Variants in CYP7B1 observed in about 807,000 individuals in gnomAD.
The protein encoded by CYP7B1 is cytochrome P450 7B1.
CYP7B1 carries 29 observed loss-of-function variants against 42.7 expected under a neutral mutation model. That is an observed-to-expected ratio of 0.68 (90% CI 0.51 to 0.93). The LOEUF (loss-of-function observed/expected upper bound fraction) is 0.93, where lower values mean the gene tolerates loss of function less well. CYP7B1 is among the 40% of genes least tolerant of loss of function. The probability of loss-of-function intolerance (pLI) is 0.00; values close to 1 mark genes in which losing one functional copy is unlikely to be tolerated. For synonymous variants in CYP7B1, 235 were observed against 218.2 expected, an observed-to-expected ratio of 1.08 and a Z score of -0.68; for missense variants, 655 against 600.5, an observed-to-expected ratio of 1.09 and a Z score of -0.95.
chr8:64,717,331 A>G (rs142345903), intron 1 of CYP7B1, among the ~76,000 whole-genome samples: 1 of 152,266 alleles, frequency 6.6e-6, no homozygotes, highest in African/African-American at 2.4e-5. Flanking sequence ...TTTTCCAATC[A>G]TTTTGGTTGA....
chr8:64,724,483 C>T (rs1807292603), intron 1 of CYP7B1, among the ~76,000 whole-genome samples: 1 of 152,114 alleles, frequency 6.6e-6, no homozygotes, highest in Non-Finnish European at 1.5e-5. Context: ...TCCTCAATGA[C>T]AACAGCATAT....
chr8:64,656,506 T>C (rs1806122818), intron 1 of CYP7B1, among the ~76,000 whole-genome samples: 1 of 152,220 alleles, frequency 6.6e-6, no homozygotes, highest in Admixed American at 6.5e-5. Flanking sequence ...CTGTATATGC[T>C]GTGCTGCCTC....
At chr8:64,740,349 A>G (rs1336924147) in intron 1 of CYP7B1, among the ~76,000 whole-genome samples, 1 of 152,040 alleles carries the variant, frequency 6.6e-6, no homozygotes, top group African/African-American at 2.4e-5. Flanking sequence ...TCAGTCAATA[A>G]TATATATATT....
intron 1 of CYP7B1, among the ~76,000 whole-genome samples, chr8:64,752,918 T>C (rs1292438158): frequency 6.6e-6 from 1 of 152,180 alleles, no homozygotes; most frequent in East Asian, 1.9e-4. Context: ...TAATTTACTA[T>C]TCATATACTA....
intron 1 of CYP7B1, among the ~76,000 whole-genome samples, chr8:64,654,582 A>G (rs1585835057): frequency 6.6e-6 from 1 of 152,248 alleles, no homozygotes; most frequent in East Asian, 1.9e-4. Flanking sequence ...ATTTTATTAA[A>G]ATGACCATAT....
chr8:64,682,492 T>A (rs1327847388), intron 1 of CYP7B1, among the ~76,000 whole-genome samples: 1 of 152,178 alleles, frequency 6.6e-6, no homozygotes, highest in Non-Finnish European at 1.5e-5. Context: ...CCACTGACAG[T>A]CTCCTGGGAC....
intron 1 of CYP7B1, among the ~76,000 whole-genome samples, chr8:64,686,461 T>C (rs1288360537): frequency 3.2e-5 from 1 of 31,264 alleles, no homozygotes; most frequent in Non-Finnish European, 6.6e-5. Context: ...GGTTGGGGGG[T>C]CAGCCCCCCG....
At chr8:64,759,151 T>A (rs564893224) in intron 1 of CYP7B1, among the ~76,000 whole-genome samples, 1 of 152,228 alleles carries the variant, frequency 6.6e-6, no homozygotes, top group Admixed American at 6.5e-5. Flanking sequence ...GAAATCTGAA[T>A]CTGCTGTAGC....
At chr8:64,788,898 T>C (rs1192737497) in intron 1 of CYP7B1, among the ~76,000 whole-genome samples, 1 of 152,124 alleles carries the variant, frequency 6.6e-6, no homozygotes, top group Admixed American at 6.5e-5. Context: ...ACTTACTGTA[T>C]AGGGTAGCTT....
intron 1 of CYP7B1, among the ~76,000 whole-genome samples, chr8:64,791,486 G>T (rs569738823): frequency 6.6e-6 from 1 of 152,174 alleles, no homozygotes; most frequent in African/African-American, 2.4e-5. Flanking sequence ...AAATGTCAGC[G>T]TAGGAGAGAG....
intron 2 of CYP7B1, among the ~76,000 whole-genome samples, chr8:64,624,107 G>C (rs1397380059): frequency 6.6e-6 from 1 of 151,764 alleles, no homozygotes. Context: ...CTTTTGTATA[G>C]TTATATATAT....
intron 1 of CYP7B1, among the ~76,000 whole-genome samples, chr8:64,644,056 C>G (rs539128141): frequency 3.0e-4 from 45 of 152,076 alleles, no homozygotes; most frequent in Non-Finnish European, 5.3e-4. Context: ...AGGTGGATCA[C>G]GAGGTCAGGA....
chr8:64,669,837 A>G lies in CYP7B1; in HGVS notation c.123-45298T>C, dbSNP rs537255292. 3.8e-4 allele frequency among the ~76,000 whole-genome samples: 58 copies of G among 152,272 alleles called. 1 individual carries two copies. The Middle Eastern group carries it at 0.017, about 45-fold the overall frequency. The stretch of plus-strand genomic sequence containing the variant: ...AGCTTTGTAAAAACTTGTTGGATGA[A>G]TTATCTCATTAACAATTTTGCATAG... On this transcript the variant is annotated intron_variant, in intron 1 of 5. Coordinates refer to ENST00000310193, the MANE Select transcript of CYP7B1 (RefSeq NM_004820.5).
chr8:64,594,769 A>G lies in CYP7B1; in HGVS notation c.*1873T>C, dbSNP rs1451869. Among the ~76,000 whole-genome samples the G allele has an allele frequency of 0.95, 144,143 of 152,296 alleles. 68,332 individuals carry two copies. Among genetic ancestry groups the G allele is most frequent in the African/African-American group, 0.99 (41,077 of 41,576 alleles). On this transcript the variant is annotated 3_prime_UTR_variant, in exon 6 of 6. Transcript: ENST00000310193. Reference sequence around the variant, plus strand: ...TGGAAGAGACATCTAAAGAAATTACATGGAGTGTAAGTTAGAGATACAAAG... The same window carrying G: ...TGGAAGAGACATCTAAAGAAATTACGTGGAGTGTAAGTTAGAGATACAAAG...
intron 1 of CYP7B1, among the ~76,000 whole-genome samples, chr8:64,676,397 T>C (rs1771527971): frequency 6.6e-6 from 1 of 152,114 alleles, no homozygotes; most frequent in South Asian, 2.1e-4. Flanking sequence ...ATTTAGAATA[T>C]ATGGACTAAA....
chr8:64,777,908 A>G (rs1804352823), intron 1 of CYP7B1, among the ~76,000 whole-genome samples: 1 of 151,932 alleles, frequency 6.6e-6, no homozygotes, highest in African/African-American at 2.4e-5. Flanking sequence ...AAAATTTTCA[A>G]AGACTTTATT....
At chr8:64,700,343 C>T (rs1029685056) in intron 1 of CYP7B1, among the ~76,000 whole-genome samples, 21 of 152,088 alleles carry the variant, frequency 1.4e-4, no homozygotes, top group African/African-American at 4.8e-4. Context: ...ATTCACTGCA[C>T]TTGTCCAGTG....
intron 1 of CYP7B1, among the ~76,000 whole-genome samples, chr8:64,776,821 A>T (rs1804333962): frequency 6.6e-6 from 1 of 152,144 alleles, no homozygotes; most frequent in Non-Finnish European, 1.5e-5. Context: ...AGAGGAAAGG[A>T]ACAACCTTAT....
At chr8:64,644,446 C>A (rs1264373233) in intron 1 of CYP7B1, among the ~76,000 whole-genome samples, 1 of 152,064 alleles carries the variant, frequency 6.6e-6, no homozygotes, top group Non-Finnish European at 1.5e-5. Flanking sequence ...CTATCTATGG[C>A]AGCCATATTC....
Sources: allele counts gnomAD v4.1 joint callset (sites outside exome capture counted in the v4.1 genomes callset), GRCh38; gene constraint gnomAD v4.1.1; transcripts MANE v1.5; gene names NCBI Gene and HGNC (gene_info 2026-07-23, HGNC 2026-07-21).